CACNB2: variants seen among roughly 807,000 people sequenced by gnomAD.
CACNB2 encodes voltage-dependent L-type calcium channel subunit beta-2.
A neutral mutation model predicts 73.3 loss-of-function variants in CACNB2; 42 were observed. The observed-to-expected ratio is 0.57, with a 90% confidence interval of 0.45 to 0.74. The LOEUF is 0.74. Among genes scored for constraint, CACNB2 ranks in the 30% least tolerant of loss-of-function variants. The pLI is 0.00. For synonymous variants in CACNB2, 348 were observed against 310.3 expected (o/e 1.12, Z -1.28); for missense variants, 940 against 853.0 (o/e 1.10, Z -1.27).
chr10:18,186,296 G>A (rs1347460604), intron 2 of CACNB2, among the ~76,000 whole-genome samples: 2 of 152,028 alleles, frequency 1.3e-5, no homozygotes, highest in African/African-American at 4.8e-5. Context: ...GTGCATGCCT[G>A]TAATCCCAGC....
rs760396780 is a variant in CACNB2 at position 18,538,268 on chromosome 10, C to A, written c.1391C>A (p.Thr464Asn). 6.2e-7 allele frequency: 1 copy of A among 1,613,962 alleles called. No homozygotes were observed. The highest frequency in any genetic ancestry group is 2.2e-5 in the East Asian group (1 of 44,896). The change falls in exon 13 of 14, where the codon ACC becomes AAC. Residue 464 changes from threonine (T) to asparagine (N), a missense_variant. Transcript: ENST00000324631. ...TATCTGGAGGCCTACTGGAAGGCCA[C>A]CCATCCTCCCAGCAGTAGCCTCCCC... is the stretch of plus-strand genomic sequence containing the variant. ...ADYLEAYWKATHPPSSSLPNP... is the reference protein window; with the variant it reads ...ADYLEAYWKANHPPSSSLPNP...
chr10:18,528,432 T>A (rs1265869406), intron 10 of CACNB2, among the ~76,000 whole-genome samples: 2 of 152,304 alleles, frequency 1.3e-5, no homozygotes, highest in South Asian at 4.2e-4. Context: ...TGTTGCTTAC[T>A]GGATGGTTAG....
chr10:18,502,643 A>T (rs1226833033), intron 5 of CACNB2, among the ~76,000 whole-genome samples: 1 of 133,782 alleles, frequency 7.5e-6, no homozygotes. Context: ...GTGAGCCAAG[A>T]TCGCACCATT....
intron 8 of CACNB2, 125 bp downstream of exon 8, chr10:18,518,541 C>A (rs1377941712): frequency 1.3e-6 from 1 of 765,370 alleles, no homozygotes; most frequent in Admixed American, 1.8e-5. Flanking sequence ...GCTTAGAGAG[C>A]TCACAGCAGC....
intron 2 of CACNB2, chr10:18,260,939 A>G (rs1178792581): frequency 2.5e-6 from 3 of 1,221,240 alleles, no homozygotes; most frequent in East Asian, 8.7e-5. Flanking sequence ...GACGATCTGG[A>G]CAGTCCTAAC....
At chr10:18,219,051 G>T (rs1233730037) in intron 2 of CACNB2, among the ~76,000 whole-genome samples, 1 of 152,096 alleles carries the variant, frequency 6.6e-6, no homozygotes, top group East Asian at 1.9e-4. Context: ...TGTGGTCCTG[G>T]CTGCTTCAGA....
At position 18,242,287 on chromosome 10, in the gene CACNB2, G is replaced by A. The variant is rs145900023; in HGVS notation, c.213+91312G>A. 8.1e-4 allele frequency among the ~76,000 whole-genome samples: 123 copies of A among 152,136 alleles called. 1 individual carries two copies. Among genetic ancestry groups the A allele is most frequent in the African/African-American group, 2.9e-3 (121 of 41,506 alleles). On this transcript the variant is annotated intron_variant, in intron 2 of 13. Coordinates refer to ENST00000324631, the MANE Select transcript of CACNB2 (RefSeq NM_201596.3). ...TATAAAAATTGCATTGGGATAACTA[G>A]TTAAGTACTTAAAGAATTAGGCCCA...
intron 2 of CACNB2, among the ~76,000 whole-genome samples, chr10:18,216,756 T>A (rs910742417): frequency 2.0e-5 from 3 of 152,196 alleles, no homozygotes; most frequent in African/African-American, 7.2e-5. Flanking sequence ...TTATGTGAAA[T>A]TCAGCTATTC....
chr10:18,241,456 G>C (rs147915180), intron 2 of CACNB2, among the ~76,000 whole-genome samples: 1 of 151,942 alleles, frequency 6.6e-6, no homozygotes, highest in Admixed American at 6.6e-5. Context: ...CTAGGGGAGG[G>C]ATAGCATTAG....
chr10:18,490,690 T>G (rs1437943626), intron 3 of CACNB2, among the ~76,000 whole-genome samples: 1 of 152,148 alleles, frequency 6.6e-6, no homozygotes, highest in African/African-American at 2.4e-5. Flanking sequence ...TAAATCTAAA[T>G]GTGGATTTCA....
intron 2 of CACNB2, among the ~76,000 whole-genome samples, chr10:18,294,098 C>A (rs2039179377): frequency 6.6e-6 from 1 of 152,206 alleles, no homozygotes; most frequent in Non-Finnish European, 1.5e-5. Context: ...TAGTAAACTT[C>A]CCAGTGGTGA....
chr10:18,206,876 A>G (rs1199366389), intron 2 of CACNB2: 1 of 152,262 alleles, frequency 6.6e-6, no homozygotes, highest in Non-Finnish European at 1.5e-5. Flanking sequence ...GGATTGGTGC[A>G]GTAGTTCCCA....
chr10:18,278,781 C>T (rs535611651), intron 2 of CACNB2, among the ~76,000 whole-genome samples: 60 of 151,954 alleles, frequency 3.9e-4, no homozygotes, highest in Non-Finnish European at 6.8e-4. Context: ...TTTTGGGGGC[C>T]GAGGCGGGTG....
Position 18,534,227 on chromosome 10 carries a change from G to C in CACNB2, c.1206G>C (p.Lys402Asn). The change falls in exon 11 of 14, where the codon AAG becomes AAC. Residue 402 changes from lysine (K) to asparagine (N), a missense_variant and splice_region_variant. By Grantham distance (94) the Lys-to-Asn change is moderately conservative. Transcript: ENST00000324631. The part of the protein sequence containing the change: ...IIVYVKISSP[K>N]VLQRLIKSRG... ...TATATGTAAAGATTTCTTCTCCTAA[G>C]GTAAGTAGGACTGCTACTGTTTGCT... The C allele has an allele frequency of 6.2e-7, 1 of 1,610,118 alleles. No individual in the cohort carries two copies. Among genetic ancestry groups the C allele is most frequent in the East Asian group, 2.2e-5 (1 of 44,852 alleles).
At chr10:18,245,659 C>G (rs2036832393) in intron 2 of CACNB2, among the ~76,000 whole-genome samples, 1 of 152,072 alleles carries the variant, frequency 6.6e-6, no homozygotes, top group Admixed American at 6.5e-5. Context: ...TTTTTGCCAA[C>G]AGCATCACAA....
intron 3 of CACNB2, among the ~76,000 whole-genome samples, chr10:18,468,235 C>A (rs1039422809): frequency 6.6e-6 from 1 of 151,970 alleles, no homozygotes; most frequent in Non-Finnish European, 1.5e-5. Context: ...TAAGGCAGGC[C>A]GATTTCTTGA....
intron 2 of CACNB2, among the ~76,000 whole-genome samples, chr10:18,285,286 T>C (rs1226542408): frequency 6.6e-6 from 1 of 152,190 alleles, no homozygotes; most frequent in African/African-American, 2.4e-5. Context: ...CAAGGTTAGG[T>C]GAGAAGCTTT....
At chr10:18,413,778 T>A (rs1282035027) in intron 3 of CACNB2, among the ~76,000 whole-genome samples, 3 of 152,212 alleles carry the variant, frequency 2.0e-5, no homozygotes, top group East Asian at 3.9e-4. Flanking sequence ...AAAAGGACAC[T>A]AACCTCTGTT....
At chr10:18,252,499 C>G (rs1272397479) in intron 2 of CACNB2, among the ~76,000 whole-genome samples, 1 of 152,068 alleles carries the variant, frequency 6.6e-6, no homozygotes, top group Non-Finnish European at 1.5e-5. Flanking sequence ...CATTTCGAGC[C>G]TTGTTTCTGC....
Sources: gnomAD v4.1 joint callset for allele counts (sites outside exome capture counted in the v4.1 genomes callset) on GRCh38, gnomAD v4.1.1 for gene constraint, MANE v1.5 for transcripts, NCBI Gene and HGNC (gene_info 2026-07-23, HGNC 2026-07-21) for gene names.